TOX3: variants seen among roughly 807,000 people sequenced by gnomAD.
TOX3 encodes CAG trinucleotide repeat-containing gene F9 protein.
TOX3 carries 22 observed loss-of-function variants against 64.3 expected under a neutral mutation model. The observed-to-expected ratio is 0.34, with a 90% CI of 0.24 to 0.49. The LOEUF (loss-of-function observed/expected upper bound fraction) is 0.49. Among genes scored for constraint, TOX3 ranks in the 20% least tolerant of loss-of-function variants. TOX3 has a pLI of 0.99. For missense variants in TOX3, 661 were observed against 714.4 expected, an observed-to-expected ratio of 0.93 and a Z score of 0.85; for synonymous variants, 291 against 273.6, an observed-to-expected ratio of 1.06 and a Z score of -0.63.
chr16:52,458,183 T>C (rs1486868070), intron 3 of TOX3, among the ~76,000 whole-genome samples: 1 of 152,196 alleles, frequency 6.6e-6, no homozygotes, highest in Non-Finnish European at 1.5e-5. Context: ...GTTCTTTCAT[T>C]GTCCTTTTAT....
At chr16:52,521,286 A>G (rs1315823031) in intron 1 of TOX3, among the ~76,000 whole-genome samples, 1 of 152,240 alleles carries the variant, frequency 6.6e-6, no homozygotes, top group African/African-American at 2.4e-5. Flanking sequence ...CCTTGTAGCT[A>G]AAAATCAAGC....
In TOX3 at chr16:52,439,509, G is replaced by A. The variant is rs1959874784; in HGVS notation, c.1447C>T (p.Gln483Ter). 1 of 1,417,964 alleles carries A rather than the reference G, an allele frequency of 7.1e-7. No individual in the cohort carries two copies. Among genetic ancestry groups the A allele is most frequent in the Non-Finnish European group, 9.8e-7 (1 of 1,025,364 alleles). The allele number at this position is 1,417,964 out of a possible 1,614,324, so 87.8% of individuals were successfully genotyped here. The change falls in exon 7 of 7, where the codon CAG (glutamine) becomes TAG (stop). Residue 483 changes from glutamine (Q) to a stop codon, truncating the protein, a stop_gained. Coordinates refer to ENST00000219746, the MANE Select transcript of TOX3 (RefSeq NM_001080430.4). LOFTEE classifies it high-confidence loss of function. Reference protein sequence around the residue: ...IQQQMQQQHFQHHMQQHLQQQ... With the variant: ...IQQQMQQQHF ...TGCAGGTGCTGCTGCATGTGGTGCT[G>A]GAAATGCTGCTGCTGCATCTGCTGC...
In TOX3 at chr16:52,520,006, G is replaced by A. The variant is rs534856131; in HGVS notation, c.87+26631C>T. Among the ~76,000 whole-genome samples, 5 of 151,290 alleles carry A rather than the reference G, an allele frequency of 3.3e-5. No homozygotes were observed. In the East Asian group the frequency reaches 7.8e-4, roughly 24 times the overall value. ...AAAAAAAAAAAAGAAGAAGAAGAAG[G>A]AGAAGAAATAGTAGTAGATGAGCTA... On this transcript the variant is annotated intron_variant, in intron 1 of 6. Transcript: ENST00000219746.
rs776509288 is a variant in TOX3, at chr16:52,468,492, T to C, written c.153+17A>G. 1 of 1,610,650 alleles carries C rather than the reference T, an allele frequency of 6.2e-7. No individual in the cohort carries two copies. The highest frequency in any genetic ancestry group is 2.2e-5 in the East Asian group (1 of 44,768). ...AACACAAAAAACAGGAACAAACACA[T>C]TAAGACAGTCACCTACCTCACTGGC... On this transcript the variant is annotated intron_variant, in intron 2 of 6. Coordinates refer to ENST00000219746, the MANE Select transcript of TOX3 (RefSeq NM_001080430.4).
intron 4 of TOX3, among the ~76,000 whole-genome samples, chr16:52,449,324 A>C (rs1960263421): frequency 6.6e-6 from 1 of 152,134 alleles, no homozygotes; most frequent in Admixed American, 6.5e-5. Flanking sequence ...GAACTTCACT[A>C]TACCCATAAA....
At chr16:52,524,736 G>A (rs575970890) in intron 1 of TOX3, among the ~76,000 whole-genome samples, 8 of 152,228 alleles carry the variant, frequency 5.3e-5, no homozygotes, top group Admixed American at 1.3e-4. Context: ...GAGCTTAAAA[G>A]TGCCTAGAAG....
intron 1 of TOX3, among the ~76,000 whole-genome samples, chr16:52,541,367 A>T (rs12597887): frequency 0.16 from 24,520 of 152,118 alleles, 2,286 homozygotes; most frequent in Middle Eastern, 0.26. Flanking sequence ...AAAATCTTCA[A>T]ACTTGAAGCC....
Position 52,474,884 on chromosome 16 carries a change from A to T in TOX3, c.88-6310T>A, listed in dbSNP as rs114908875. 3.7e-3 allele frequency among the ~76,000 whole-genome samples: 570 copies of T among 152,186 alleles called. 4 individuals carry two copies. The highest frequency in any genetic ancestry group is 0.013 in the African/African-American group (540 of 41,522). On this transcript the variant is annotated intron_variant, in intron 1 of 6. Coordinates refer to ENST00000219746, the MANE Select transcript of TOX3 (RefSeq NM_001080430.4). The stretch of plus-strand genomic sequence containing the variant: ...CCCCATTTCTTCTTACCTTTTGGCC[A>T]TCGTCCTTCCCCTTTCTCACACTCC...
At chr16:52,482,723 G>A (rs1319039646) in intron 1 of TOX3, among the ~76,000 whole-genome samples, 1 of 152,122 alleles carries the variant, frequency 6.6e-6, no homozygotes, top group Admixed American at 6.6e-5. Context: ...CTTATTCACA[G>A]CAACTCTTAT....
In TOX3 at chr16:52,463,958, C is replaced by T. The variant is rs750624575; in HGVS notation, c.384G>A (p.Val128=). The change falls in exon 3 of 7, where the codon GTG becomes GTA. Residue 128 remains valine (V), a synonymous_variant. Coordinates refer to ENST00000219746, the MANE Select transcript of TOX3 (RefSeq NM_001080430.4). The part of the protein sequence containing the change: ...ISRNLVEQDG[V]LHSSGLHMDQ... ...CCATATGCAACCCACTGCTATGAAGCACGCCATCTTGTTCCACGAGATTTC... is the reference window on the plus strand; with the variant it reads ...CCATATGCAACCCACTGCTATGAAGTACGCCATCTTGTTCCACGAGATTTC... 1.3e-6 allele frequency: 2 copies of T among 1,572,226 alleles called. No homozygotes were observed. Among genetic ancestry groups the T allele is most frequent in the Non-Finnish European group, 1.7e-6 (2 of 1,157,008 alleles).
Position 52,450,374 on chromosome 16 carries a change from C to T in TOX3, c.581G>A (p.Ser194Asn), listed in dbSNP as rs534673058. The T allele has an allele frequency of 1.1e-5, 18 of 1,613,982 alleles. No individual in the cohort carries two copies. Among genetic ancestry groups the T allele is most frequent in the Middle Eastern group, 1.6e-4 (1 of 6,062 alleles). Residue 194 changes from serine (S) to asparagine (N), a missense_variant, in exon 4 of 7, where the codon AGT becomes AAT. Ser to Asn is a conservative substitution (Grantham distance 46). Around this residue, in one of 3 missense-constraint regions of TOX3, gnomAD observed 259 missense variants for 261.2 expected, o/e 0.99. Transcript: ENST00000219746. The stretch of plus-strand genomic sequence containing the variant: ...AGGTGAAGGAGATGTGTGAGGCATA[C>T]TGGCACCTCCCAAATTCAACCCCAA... ...AQLGLNLGGA[S>N]MPHTSPSPPA... is the part of the protein sequence containing the mutation.
At position 52,515,185 on chromosome 16, in the gene TOX3, TAAAAAAAAAAAAAGA is replaced by T. The variant is rs1238994438; in HGVS notation, c.87+31437_87+31451del. On this transcript the variant is annotated intron_variant, in intron 1 of 6. Coordinates refer to ENST00000219746, the MANE Select transcript of TOX3 (RefSeq NM_001080430.4). ...AACTTAAAAGTATAGCTATGAATGT[TAAAAAAAAAAAAAGA>T]AAAAGAAAAAGAAAGAAAAAAGAAA... Among the ~76,000 whole-genome samples the T allele has an allele frequency of 8.5e-4, 118 of 138,650 alleles. 1 individual carries two copies. The highest frequency in any genetic ancestry group is 3.1e-3 in the African/African-American group (115 of 37,344). 91.0% of individuals were successfully genotyped at this position (138,650 alleles called of 152,430 possible).
At chr16:52,517,631 A>C (rs962058976) in intron 1 of TOX3, among the ~76,000 whole-genome samples, 1 of 152,200 alleles carries the variant, frequency 6.6e-6, no homozygotes, top group Non-Finnish European at 1.5e-5. Context: ...TCTTACCTAC[A>C]CATTGAGTAT....
chr16:52,445,119 T>C (rs891040203), intron 5 of TOX3: 4 of 152,218 alleles, frequency 2.6e-5, no homozygotes, highest in African/African-American at 4.8e-5. Flanking sequence ...CAGTCTGCTA[T>C]CTACAGTAAT....
At chr16:52,452,700 G>GA (rs1007826845) in intron 3 of TOX3, among the ~76,000 whole-genome samples, 11 of 147,792 alleles carry the variant, frequency 7.4e-5, no homozygotes, top group Admixed American at 2.7e-4. Flanking sequence ...AAAAGAAATG[G>GA]AAAAAAAAAG....
chr16:52,543,867 G>GATA (rs1963124089), intron 1 of TOX3, among the ~76,000 whole-genome samples: 1 of 152,174 alleles, frequency 6.6e-6, no homozygotes, highest in Non-Finnish European at 1.5e-5. Flanking sequence ...AGAATGTAAA[G>GATA]ATAATACACA....
intron 1 of TOX3, among the ~76,000 whole-genome samples, chr16:52,485,187 A>T (rs759575592): frequency 1.3e-4 from 19 of 147,008 alleles, no homozygotes; most frequent in African/African-American, 4.3e-4. Flanking sequence ...GCGTGTGTAT[A>T]TGTAGTGTGT....
intron 2 of TOX3, among the ~76,000 whole-genome samples, chr16:52,465,604 A>G (rs1960842594): frequency 6.6e-6 from 1 of 151,542 alleles, no homozygotes; most frequent in Non-Finnish European, 1.5e-5. Context: ...GTGCAAGATA[A>G]TTTGAGTCTG....
chr16:52,441,413 A>C (rs923471225), intron 6 of TOX3, among the ~76,000 whole-genome samples: 1 of 152,330 alleles, frequency 6.6e-6, no homozygotes, highest in Middle Eastern at 3.4e-3. Flanking sequence ...ACTTCATGGG[A>C]CCAAATCACC....
Sources: gnomAD v4.1 joint callset for allele counts (sites outside exome capture counted in the v4.1 genomes callset) on GRCh38, gnomAD v4.1.1 for gene constraint, gnomAD v4.1.1 regional missense constraint, MANE v1.5 for transcripts, NCBI Gene and HGNC (gene_info 2026-07-23, HGNC 2026-07-21) for gene names.